Variants in TRPM3 observed in about 807,000 individuals in gnomAD.
TRPM3 encodes long transient receptor potential channel 3.
TRPM3 carries 77 observed loss-of-function variants against 181.2 expected under a neutral mutation model. The ratio of observed to expected loss-of-function variants is 0.42; its 90% CI spans 0.35 to 0.51. The LOEUF is 0.51. Among genes scored for constraint, TRPM3 ranks in the 20% least tolerant of loss-of-function variants. TRPM3 has a pLI of 0.01. For synonymous variants in TRPM3, 745 were observed against 796.4 expected (o/e 0.94, Z 1.09); for missense variants, 1,759 against 2,196.7 (o/e 0.80, Z 3.98).
intron 1 of TRPM3, among the ~76,000 whole-genome samples, chr9:71,264,394 A>G (rs2083254389): frequency 6.6e-6 from 1 of 152,182 alleles, no homozygotes; most frequent in Non-Finnish European, 1.5e-5. Context: ...ACTAAAATAT[A>G]CAAAATTTTC....
intron 1 of TRPM3, among the ~76,000 whole-genome samples, chr9:71,107,343 G>A (rs771905724): frequency 2.4e-4 from 36 of 152,026 alleles, no homozygotes; most frequent in Admixed American, 5.9e-4. Flanking sequence ...CCCTTCTTCT[G>A]GTTGGTATCT....
intron 8 of TRPM3, among the ~76,000 whole-genome samples, chr9:70,683,767 G>T (rs547674398): frequency 1.3e-5 from 2 of 152,130 alleles, no homozygotes; most frequent in African/African-American, 4.8e-5. Flanking sequence ...GCTATTTAAT[G>T]CCCCCAAAGT....
At chr9:71,184,298 C>T (rs1212443906) in intron 1 of TRPM3, among the ~76,000 whole-genome samples, 2 of 152,104 alleles carry the variant, frequency 1.3e-5, no homozygotes, top group African/African-American at 4.8e-5. Flanking sequence ...GTTGCAAGAA[C>T]ACCACTTTAC....
chr9:71,214,352 T>A (rs1331793501), intron 1 of TRPM3, among the ~76,000 whole-genome samples: 1 of 152,182 alleles, frequency 6.6e-6, no homozygotes, highest in Admixed American at 6.5e-5. Flanking sequence ...TCTTTAAGAA[T>A]TAAATATATA....
At chr9:70,805,994 G>T (rs1028241426) in intron 6 of TRPM3, among the ~76,000 whole-genome samples, 1 of 152,174 alleles carries the variant, frequency 6.6e-6, no homozygotes, top group African/African-American at 2.4e-5. Context: ...GACCAGAAAA[G>T]CTGACTCTTC....
intron 1 of TRPM3, among the ~76,000 whole-genome samples, chr9:71,006,437 T>TA (rs1171508536): frequency 1.3e-5 from 2 of 151,888 alleles, no homozygotes; most frequent in Non-Finnish European, 2.9e-5. Flanking sequence ...AACTATATGT[T>TA]ATCTAAGAAA....
chr9:70,885,551 T>C lies in TRPM3; in HGVS notation c.178-21040A>G, dbSNP rs1288806371. 2.6e-5 allele frequency among the ~76,000 whole-genome samples: 4 copies of C among 152,142 alleles called. No individual in the cohort carries two copies. The East Asian group carries it at 7.7e-4, about 29-fold the overall frequency. On this transcript the variant is annotated intron_variant, in intron 1 of 25. Transcript: ENST00000677713. Reference sequence around the variant, plus strand: ...CTATTATTAAACTTCTCAATAACCCTCACTTTTTACCCAGCTAGGTCATTC... The same window carrying C: ...CTATTATTAAACTTCTCAATAACCCCCACTTTTTACCCAGCTAGGTCATTC...
intron 7 of TRPM3, among the ~76,000 whole-genome samples, chr9:70,769,748 ATTAT>A (rs1317794949): frequency 6.7e-6 from 1 of 148,856 alleles, no homozygotes; most frequent in South Asian, 2.1e-4. Context: ...TTGCATGGAA[ATTAT>A]TTGTTTGTCT....
chr9:71,301,451 A>G (rs1437950850), intron 1 of TRPM3, among the ~76,000 whole-genome samples: 1 of 152,152 alleles, frequency 6.6e-6, no homozygotes, highest in African/African-American at 2.4e-5. Flanking sequence ...ATTGTTCTCA[A>G]AATCACTTAT....
chr9:71,440,055 G>A (rs1033739171), intron 1 of TRPM3, among the ~76,000 whole-genome samples: 2 of 152,058 alleles, frequency 1.3e-5, no homozygotes, highest in African/African-American at 2.4e-5. Flanking sequence ...CCCAGGAGGC[G>A]AAGCTTGCAG....
intron 1 of TRPM3, among the ~76,000 whole-genome samples, chr9:71,273,721 A>C (rs1290225090): frequency 6.6e-6 from 1 of 152,168 alleles, no homozygotes; most frequent in Non-Finnish European, 1.5e-5. Context: ...TGAATCTCTA[A>C]AAACGATGAC....
At chr9:71,022,675 G>A (rs2134526800) in intron 1 of TRPM3, among the ~76,000 whole-genome samples, 1 of 152,182 alleles carries the variant, frequency 6.6e-6, no homozygotes, top group Middle Eastern at 3.4e-3. Flanking sequence ...GCCAGCCTGT[G>A]TGACAGAGCA....
chr9:70,670,276 A>T (rs2062661657), intron 9 of TRPM3, among the ~76,000 whole-genome samples: 1 of 152,222 alleles, frequency 6.6e-6, no homozygotes, highest in Admixed American at 6.5e-5. Flanking sequence ...GAGGTAAATT[A>T]TCTGGTAACC....
At chr9:71,093,619 A>G (rs1231102195) in intron 1 of TRPM3, among the ~76,000 whole-genome samples, 1 of 152,234 alleles carries the variant, frequency 6.6e-6, no homozygotes, top group African/African-American at 2.4e-5. Context: ...AGAAATAGGA[A>G]CGCTTTTAAA....
intron 7 of TRPM3, among the ~76,000 whole-genome samples, chr9:70,782,793 T>G (rs138251253): frequency 6.6e-6 from 1 of 152,058 alleles, no homozygotes; most frequent in African/African-American, 2.4e-5. Context: ...ATTATTATTA[T>G]TTTTTGGTTT....
intron 7 of TRPM3, among the ~76,000 whole-genome samples, chr9:70,777,691 T>C (rs752825776): frequency 1.3e-5 from 2 of 152,116 alleles, no homozygotes; most frequent in African/African-American, 2.4e-5. Context: ...TAACATCTAA[T>C]TGAAAAATTA....
At chr9:71,150,013 C>T (rs1000491952) in intron 1 of TRPM3, among the ~76,000 whole-genome samples, 1 of 151,748 alleles carries the variant, frequency 6.6e-6, no homozygotes, top group African/African-American at 2.4e-5. Flanking sequence ...AAACAAAATA[C>T]TGAATAAGTA....
chr9:70,699,500 G>C (rs2071698470), intron 8 of TRPM3, among the ~76,000 whole-genome samples: 1 of 152,222 alleles, frequency 6.6e-6, no homozygotes, highest in Non-Finnish European at 1.5e-5. Context: ...TAGAAAGCAA[G>C]TCTGGGACAA....
At chr9:71,094,367 A>T (rs1202651522) in intron 1 of TRPM3, among the ~76,000 whole-genome samples, 1 of 152,076 alleles carries the variant, frequency 6.6e-6, no homozygotes, top group Admixed American at 6.6e-5. Context: ...AGAAAAGACA[A>T]AGTCCTTCCT....
Sources: allele counts gnomAD v4.1 joint callset (sites outside exome capture counted in the v4.1 genomes callset), GRCh38; gene constraint gnomAD v4.1.1; transcripts MANE v1.5; gene names NCBI Gene and HGNC (gene_info 2026-07-23, HGNC 2026-07-21).